The following MARCHF1 variants were observed in gnomAD, a reference collection of about 807,000 sequenced individuals.
The protein encoded by MARCHF1 is E3 ubiquitin-protein ligase MARCHF1.
A neutral mutation model predicts 54.2 loss-of-function variants in MARCHF1; 40 were observed. The observed-to-expected ratio is 0.74, with a 90% CI of 0.57 to 0.96. MARCHF1 has a LOEUF of 0.96. Ranked by LOEUF, MARCHF1 falls within the 40% of genes least tolerant of loss-of-function variation. MARCHF1 has a pLI of 0.00. For missense variants in MARCHF1, 586 were observed against 656.5 expected (o/e 0.89, Z 1.17); for synonymous variants, 236 against 236.3 (o/e 1.00, Z 0.01).
chr4:163,898,806 CT>C (rs1750874369), intron 3 of MARCHF1, among the ~76,000 whole-genome samples: 1 of 152,164 alleles, frequency 6.6e-6, no homozygotes. Context: ...CAACGATTGA[CT>C]GGATAAAGAA....
intron 7 of MARCHF1, among the ~76,000 whole-genome samples, chr4:163,597,716 T>C (rs191023900): frequency 1.3e-5 from 2 of 152,328 alleles, no homozygotes; most frequent in South Asian, 2.1e-4. Flanking sequence ...AATAGATTCA[T>C]GAATAAATTT....
rs541196414 is a variant in MARCHF1 at position 164,199,451 on chromosome 4, G to A, written c.-322-87789C>T. ...GAGGTCAGGAGTTCAAGACCAGCCT[G>A]GCCAACATGGTAAAACCTGGTTGTT... On this transcript the variant is annotated intron_variant, in intron 1 of 9. Coordinates refer to ENST00000514618, the MANE Select transcript of MARCHF1 (RefSeq NM_001394959.1). Among the ~76,000 whole-genome samples, 29 of 152,194 alleles carry A rather than the reference G, an allele frequency of 1.9e-4. No individual in the cohort carries two copies. The South Asian group carries it at 4.8e-3, about 25-fold the overall frequency.
At chr4:163,867,013 T>G (rs1009626878) in intron 3 of MARCHF1, among the ~76,000 whole-genome samples, 1 of 151,932 alleles carries the variant, frequency 6.6e-6, no homozygotes, top group African/African-American at 2.4e-5. Flanking sequence ...TAGACATGAT[T>G]GAATCATCAC....
rs114533811 is a variant in MARCHF1 at position 164,217,701 on chromosome 4, G to A, written c.-322-106039C>T. Among the ~76,000 whole-genome samples, 241 of 152,298 alleles carry A rather than the reference G, an allele frequency of 1.6e-3. 1 individual carries two copies. The highest frequency in any genetic ancestry group is 5.5e-3 in the African/African-American group (230 of 41,574). On this transcript the variant is annotated intron_variant, in intron 1 of 9. Transcript: ENST00000514618. ...ACCATTTATAAGGTCTGTTAAAATA[G>A]AACTCAAGAGGGAAGGGCAGACTCC...
chr4:163,655,272 TTGAA>T (rs981796207), intron 5 of MARCHF1, among the ~76,000 whole-genome samples: 7 of 151,768 alleles, frequency 4.6e-5, no homozygotes, highest in African/African-American at 1.7e-4. Context: ...AATTTTCTTC[TTGAA>T]TAAGTAAATT....
chr4:164,197,019 C>T, intron 1 of MARCHF1: 4 of 1,605,286 alleles, frequency 2.5e-6, no homozygotes, highest in South Asian at 1.1e-5. Flanking sequence ...ATTTTCGCTT[C>T]TGACCCCTTT....
chr4:164,310,775 G>C (rs1321847873), intron 1 of MARCHF1, among the ~76,000 whole-genome samples: 1 of 151,924 alleles, frequency 6.6e-6, no homozygotes, highest in Non-Finnish European at 1.5e-5. Context: ...AGCTTCATAA[G>C]GAAACTGAGA....
intron 1 of MARCHF1, among the ~76,000 whole-genome samples, chr4:164,156,142 T>C (rs371579325): frequency 1.8e-4 from 28 of 152,280 alleles, no homozygotes; most frequent in East Asian, 5.8e-4. Context: ...CTGGGTTCAA[T>C]TGTAATCCTA....
At chr4:164,031,559 A>G (rs1241015278) in intron 2 of MARCHF1, among the ~76,000 whole-genome samples, 1 of 152,040 alleles carries the variant, frequency 6.6e-6, no homozygotes, top group African/African-American at 2.4e-5. Context: ...GAATTTTATC[A>G]AAGGCCTTTT....
At chr4:164,136,138 C>T (rs1055806773) in intron 1 of MARCHF1, among the ~76,000 whole-genome samples, 6 of 151,182 alleles carry the variant, frequency 4.0e-5, no homozygotes, top group Non-Finnish European at 7.4e-5. Flanking sequence ...GGGAGAGTGA[C>T]GTTGACATGA....
At chr4:164,199,815 G>A (rs1469967608) in intron 1 of MARCHF1, among the ~76,000 whole-genome samples, 1 of 152,096 alleles carries the variant, frequency 6.6e-6, no homozygotes, top group African/African-American at 2.4e-5. Flanking sequence ...GCTCCCCAGT[G>A]GCTTCCCAAT....
chr4:164,194,234 T>C (rs187121859), intron 1 of MARCHF1, among the ~76,000 whole-genome samples: 109 of 152,328 alleles, frequency 7.2e-4, no homozygotes, highest in Admixed American at 4.1e-3. Context: ...TTTAATTGTG[T>C]GGATTTTTTT....
At chr4:163,640,394 T>A (rs1742510988) in intron 5 of MARCHF1, among the ~76,000 whole-genome samples, 1 of 152,118 alleles carries the variant, frequency 6.6e-6, no homozygotes, top group Admixed American at 6.6e-5. Context: ...TTCTTATGCA[T>A]AGTGAAGATT....
At chr4:163,563,515 AG>A (rs1474888182) in intron 8 of MARCHF1, among the ~76,000 whole-genome samples, 1 of 152,224 alleles carries the variant, frequency 6.6e-6, no homozygotes, top group African/African-American at 2.4e-5. Flanking sequence ...TAATACACCC[AG>A]GCAGAAATGA....
chr4:164,291,678 G>A (rs1175159429), intron 1 of MARCHF1, among the ~76,000 whole-genome samples: 1 of 152,128 alleles, frequency 6.6e-6, no homozygotes, highest in African/African-American at 2.4e-5. Context: ...GCATATTTCT[G>A]TACTGAATAC....
intron 3 of MARCHF1, among the ~76,000 whole-genome samples, chr4:163,899,209 T>C (rs1460137619): frequency 2.0e-5 from 3 of 152,192 alleles, no homozygotes; most frequent in Non-Finnish European, 4.4e-5. Context: ...TTGTCCATAC[T>C]CCCTTTTCTT....
chr4:164,294,107 T>C (rs1560990686), intron 1 of MARCHF1, among the ~76,000 whole-genome samples: 1 of 151,742 alleles, frequency 6.6e-6, no homozygotes, highest in Non-Finnish European at 1.5e-5. Context: ...GACTCCAATT[T>C]CTTCAGCTTT....
rs184106537 is a variant in MARCHF1, at chr4:163,736,993, T to C, written c.112-36130A>G. ...ATTCAGGATCTCTGAGGGAAACTTC[T>C]ACCATCAACTAAGATTGATGGAGCA... On this transcript the variant is annotated intron_variant, in intron 4 of 9. Transcript: ENST00000514618. Among the ~76,000 whole-genome samples the C allele has an allele frequency of 2.7e-3, 409 of 152,198 alleles. 7 individuals carry two copies. The highest frequency in any genetic ancestry group is 0.014 in the Middle Eastern group (4 of 294).
intron 2 of MARCHF1, among the ~76,000 whole-genome samples, chr4:164,026,992 C>T (rs1230747605): frequency 7.9e-5 from 12 of 151,670 alleles, no homozygotes; most frequent in Admixed American, 7.9e-4. Flanking sequence ...TTACAATAGC[C>T]ACAAAAAATG....
Sources: gnomAD v4.1 joint callset for allele counts (sites outside exome capture counted in the v4.1 genomes callset) on GRCh38, gnomAD v4.1.1 for gene constraint, MANE v1.5 for transcripts, NCBI Gene and HGNC (gene_info 2026-07-23, HGNC 2026-07-21) for gene names.